The following LIN54 variants were observed in gnomAD, a reference collection of about 807,000 sequenced individuals.
LIN54 encodes lin-54 DREAM MuvB core complex component.
LIN54 carries 9 observed loss-of-function variants against 78.7 expected under a neutral mutation model. The observed-to-expected ratio is 0.11, with a 90% CI of 0.07 to 0.20. The LOEUF (loss-of-function observed/expected upper bound fraction) is 0.20. Ranked by LOEUF, LIN54 falls within the 10% of genes least tolerant of loss-of-function variation. LIN54 has a pLI of 1.00. For synonymous variants in LIN54, 269 were observed against 318.4 expected, an observed-to-expected ratio of 0.84 and a Z score of 1.65; for missense variants, 573 against 889.9, an observed-to-expected ratio of 0.64 and a Z score of 4.53.
At chr4:82,950,783 T>C (rs981927954) in intron 4 of LIN54, among the ~76,000 whole-genome samples, 1 of 152,154 alleles carries the variant, frequency 6.6e-6, no homozygotes, top group African/African-American at 2.4e-5. Flanking sequence ...ATATTTAAGA[T>C]AATTTCTTGG....
At position 82,937,220 on chromosome 4, in the gene LIN54, CACTT is replaced by C; in HGVS notation, c.1604+3_1604+6del. 2 of 1,256,872 alleles carry C rather than the reference CACTT, an allele frequency of 1.6e-6. No individual in the cohort carries two copies. The highest frequency in any genetic ancestry group is 1.2e-6 in the Non-Finnish European group (1 of 854,850). 77.9% of individuals were successfully genotyped at this position (1,256,872 alleles called of 1,614,324 possible). A position where few individuals can be genotyped will look rare whatever the true frequency, so the allele number is the denominator to read the frequency against. ...TTAAATAAGCAAACAGTTGCAAAAA[CACTT>C]ACAATTTCAAACACAGTGATTTTGT... On this transcript the variant is annotated splice_donor_5th_base_variant and intron_variant, in intron 9 of 12. Coordinates refer to ENST00000340417, the MANE Select transcript of LIN54 (RefSeq NM_194282.4).
intron 2 of LIN54, among the ~76,000 whole-genome samples, chr4:82,980,063 A>G (rs1483954003): frequency 6.6e-6 from 1 of 151,288 alleles, no homozygotes; most frequent in Non-Finnish European, 1.5e-5. Context: ...TGTTTATTAT[A>G]TTTTAAATTC....
At chr4:82,983,276 T>C (rs1235931709) in intron 2 of LIN54, among the ~76,000 whole-genome samples, 1 of 152,094 alleles carries the variant, frequency 6.6e-6, no homozygotes, top group Non-Finnish European at 1.5e-5. Context: ...GCCAAAGTGC[T>C]GGGTGGGATT....
At chr4:82,959,655 T>A (rs982857127) in intron 4 of LIN54, among the ~76,000 whole-genome samples, 5 of 152,176 alleles carry the variant, frequency 3.3e-5, no homozygotes, top group Admixed American at 3.3e-4. Flanking sequence ...ACATTAAAAA[T>A]TTTATTGAAA....
intron 1 of LIN54, among the ~76,000 whole-genome samples, chr4:82,990,572 C>T (rs1403598303): frequency 6.6e-6 from 1 of 152,124 alleles, no homozygotes; most frequent in Non-Finnish European, 1.5e-5. Flanking sequence ...CAAGCTCCGC[C>T]TCCCAGGTTC....
At position 82,926,076 on chromosome 4, in the gene LIN54, C is replaced by G. The variant is rs563717115; in HGVS notation, c.*2026G>C. 6.6e-6 allele frequency: 1 copy of G among 152,522 alleles called. No homozygotes were observed. The highest frequency in any genetic ancestry group is 2.1e-4 in the South Asian group (1 of 4,826). The allele number at this position is 152,522 out of a possible 1,614,324, so 9.4% of individuals were successfully genotyped here. On this transcript the variant is annotated 3_prime_UTR_variant, in exon 13 of 13. Transcript: ENST00000340417. Reference sequence around the variant, plus strand: ...TTGCACCTTGAAATTTTTTTACAAGCAAAACATTCGTAAGCAATGCCATCA... The same window carrying G: ...TTGCACCTTGAAATTTTTTTACAAGGAAAACATTCGTAAGCAATGCCATCA...
chr4:82,947,370 C>A (rs913875110), intron 4 of LIN54, among the ~76,000 whole-genome samples: 2 of 146,522 alleles, frequency 1.4e-5, no homozygotes, highest in Non-Finnish European at 3.0e-5. Flanking sequence ...GCACGTAGGA[C>A]CACAGGTACC....
At position 82,998,011 on chromosome 4, in the gene LIN54, A is replaced by ATATATATATACACACACGT. The variant is rs1560790126; in HGVS notation, c.-33+12472_-33+12473insACGTGTGTGTATATATATA. On this transcript the variant is annotated intron_variant, in intron 1 of 12. Transcript: ENST00000340417. ...CTCCATCTCAAAAAAAAAAAATAATAATATATATATAATAATATATATATA... is the reference window on the plus strand; with the variant it reads ...CTCCATCTCAAAAAAAAAAAATAATATATATATATACACACACGTATATATATATAATAATATATATATA... 1.8e-3 allele frequency among the ~76,000 whole-genome samples: 184 copies of ATATATATATACACACACGT among 99,732 alleles called. 1 individual carries two copies. The highest frequency in any genetic ancestry group is 2.5e-3 in the Non-Finnish European group (143 of 56,306). 65.4% of individuals were successfully genotyped at this position (99,732 alleles called of 152,430 possible).
intron 1 of LIN54, among the ~76,000 whole-genome samples, chr4:82,989,772 T>G (rs1727502232): frequency 6.6e-6 from 1 of 152,208 alleles, no homozygotes; most frequent in Non-Finnish European, 1.5e-5. Flanking sequence ...TTGCATTTAC[T>G]TTCATTTTCA....
At chr4:82,960,634 A>G (rs1472796611) in intron 4 of LIN54, among the ~76,000 whole-genome samples, 1 of 151,970 alleles carries the variant, frequency 6.6e-6, no homozygotes, top group Non-Finnish European at 1.5e-5. Flanking sequence ...GGGTCTCATC[A>G]TGTTCCCAGG....
chr4:82,964,213 G>A (rs1173354806), intron 4 of LIN54, among the ~76,000 whole-genome samples: 2 of 151,980 alleles, frequency 1.3e-5, no homozygotes, highest in African/African-American at 4.8e-5. Flanking sequence ...ACCACACCTG[G>A]GTAATTTTTG....
At chr4:82,938,711 A>T (rs1722601076) in intron 7 of LIN54, among the ~76,000 whole-genome samples, 1 of 152,248 alleles carries the variant, frequency 6.6e-6, no homozygotes, top group Non-Finnish European at 1.5e-5. Flanking sequence ...TTACAGTACT[A>T]CATAGTACAA....
chr4:83,010,789 G>A lies in LIN54; in HGVS notation c.-338C>T. 1 of 1,235,100 alleles carries A rather than the reference G, an allele frequency of 8.1e-7. No homozygotes were observed. The highest frequency in any genetic ancestry group is 1.0e-6 in the Non-Finnish European group (1 of 990,980). 76.5% of individuals were successfully genotyped at this position (1,235,100 alleles called of 1,614,324 possible). Reference sequence around the variant, plus strand: ...AGCTCAGCAGCTTCCCCGACAGCCGGAGCCCGGGCCGCCGCCGCCGCCGCC... The same window carrying A: ...AGCTCAGCAGCTTCCCCGACAGCCGAAGCCCGGGCCGCCGCCGCCGCCGCC... On this transcript the variant is annotated 5_prime_UTR_variant, in exon 1 of 13. Transcript: ENST00000340417.
At chr4:82,994,370 C>A (rs950682054) in intron 1 of LIN54, among the ~76,000 whole-genome samples, 1 of 151,744 alleles carries the variant, frequency 6.6e-6, no homozygotes, top group Non-Finnish European at 1.5e-5. Flanking sequence ...TACGGTCTCT[C>A]TTGGTGAATC....
chr4:82,945,500 CTT>C (rs1047013479), intron 5 of LIN54, among the ~76,000 whole-genome samples: 1 of 146,532 alleles, frequency 6.8e-6, no homozygotes. Context: ...ATTTTAATCA[CTT>C]TTTTTTTTTG....
At chr4:82,975,575 A>G (rs1157483503) in intron 3 of LIN54, among the ~76,000 whole-genome samples, 2 of 151,730 alleles carry the variant, frequency 1.3e-5, no homozygotes, top group African/African-American at 4.8e-5. Flanking sequence ...AGCCGGGCAT[A>G]GTGGCAGGCA....
At chr4:82,963,648 G>A (rs1724978720) in intron 4 of LIN54, among the ~76,000 whole-genome samples, 1 of 149,794 alleles carries the variant, frequency 6.7e-6, no homozygotes, top group South Asian at 2.1e-4. Flanking sequence ...ACTGTGATAA[G>A]TCAAAATGTA....
At position 82,927,179 on chromosome 4, in the gene LIN54, AATTG is replaced by A. The variant is rs1219000219; in HGVS notation, c.*919_*922del. 2 of 151,902 alleles carry A rather than the reference AATTG, an allele frequency of 1.3e-5. No homozygotes were observed. Among genetic ancestry groups the A allele is most frequent in the African/African-American group, 4.8e-5 (2 of 41,394 alleles). 9.4% of individuals were successfully genotyped at this position (151,902 alleles called of 1,614,324 possible). On this transcript the variant is annotated 3_prime_UTR_variant, in exon 13 of 13. Coordinates refer to ENST00000340417, the MANE Select transcript of LIN54 (RefSeq NM_194282.4). ...AAAAAAAAAAAAAGTCTGTAAAAAT[AATTG>A]ATTGTATAGATGAAAACTTCTCTAA... is the stretch of plus-strand genomic sequence containing the variant.
chr4:82,939,846 G>A lies in LIN54; in HGVS notation c.1242+43C>T, dbSNP rs750064105. On this transcript the variant is annotated intron_variant, in intron 6 of 12. Coordinates refer to ENST00000340417, the MANE Select transcript of LIN54 (RefSeq NM_194282.4). ...TAACTTTCTATTTAAAAAGTAAATC[G>A]TCTATTTGGGAAAGACTGAGAAAGA... 56 of 1,587,452 alleles carry A rather than the reference G, an allele frequency of 3.5e-5. 1 individual carries two copies. In the South Asian group the frequency reaches 3.8e-4, roughly 11 times the overall value.
Sources: gnomAD v4.1 joint callset for allele counts (sites outside exome capture counted in the v4.1 genomes callset) on GRCh38, gnomAD v4.1.1 for gene constraint, MANE v1.5 for transcripts, NCBI Gene and HGNC (gene_info 2026-07-23, HGNC 2026-07-21) for gene names.